ZNF43: variants seen among roughly 807,000 people sequenced by gnomAD.
ZNF43 encodes zinc finger protein 43, also known as zinc finger protein 39-like 1 (KOX 27).
In ZNF43, 44 loss-of-function variants were observed where a neutral mutation model predicts 68.4. The ratio of observed to expected loss-of-function variants is 0.64; its 90% CI spans 0.51 to 0.83. The LOEUF is 0.83. Among genes scored for constraint, ZNF43 ranks in the 40% least tolerant of loss-of-function variants. ZNF43 has a pLI of 0.00. For missense variants in ZNF43, 896 were observed against 933.2 expected (o/e 0.96, Z 0.52); for synonymous variants, 308 against 307.8 (o/e 1.00, Z -0.01).
In ZNF43 at chr19:21,807,554, T is replaced by G; in HGVS notation, c.*53A>C. 2 of 1,443,724 alleles carry G rather than the reference T, an allele frequency of 1.4e-6. No individual in the cohort carries two copies. Among genetic ancestry groups the G allele is most frequent in the Non-Finnish European group, 1.8e-6 (2 of 1,081,718 alleles). 89.4% of individuals were successfully genotyped at this position (1,443,724 alleles called of 1,614,324 possible). A position where few individuals can be genotyped will look rare whatever the true frequency, so the allele number is the denominator to read the frequency against. On this transcript the variant is annotated 3_prime_UTR_variant, in exon 4 of 4. Transcript: ENST00000354959. ...TACCTACAATCAAGTGTGACAACCA[T>G]GTAAAGCCTTTATCACATTCTTTAC...
At chr19:21,822,708 G>C (rs1471565223) in intron 1 of ZNF43, among the ~76,000 whole-genome samples, 1 of 149,466 alleles carries the variant, frequency 6.7e-6, no homozygotes, top group Non-Finnish European at 1.5e-5. Flanking sequence ...GGGAGGCTGA[G>C]GGGGGAGAAT....
At chr19:21,838,150 C>T (rs1330388245), upstream of ZNF43, 1 of 152,088 alleles carries the variant, frequency 6.6e-6, no homozygotes, top group African/African-American at 2.4e-5. Context: ...TCCTTGTTGG[C>T]TAATTGTAAA....
chr19:21,815,958 G>A (rs893330493), intron 3 of ZNF43, among the ~76,000 whole-genome samples: 1 of 152,012 alleles, frequency 6.6e-6, no homozygotes, highest in African/African-American at 2.4e-5. Context: ...GTACTTGGGA[G>A]GCTGAGGCAG....
In ZNF43 at chr19:21,809,719, G is replaced by C; in HGVS notation, c.318C>G (p.Asn106Lys). 2 of 1,612,356 alleles carry C rather than the reference G, an allele frequency of 1.2e-6. No individual in the cohort carries two copies. Among genetic ancestry groups the C allele is most frequent in the Non-Finnish European group, 1.7e-6 (2 of 1,179,560 alleles). Reference protein sequence around the residue: ...FQKATLRRYKNCEHKNVHLKK... With the variant: ...FQKATLRRYKKCEHKNVHLKK... The stretch of plus-strand genomic sequence containing the variant: ...TTAAATGTACATTTTTATGTTCACA[G>C]TTTTTATATCTTCTCAGTGTCGCTT... The change falls in exon 4 of 4, where the codon AAC becomes AAG. Residue 106 changes from asparagine (N) to lysine (K), a missense_variant. By Grantham distance (94) the Asn-to-Lys change is moderately conservative. Transcript: ENST00000354959.
intron 1 of ZNF43, among the ~76,000 whole-genome samples, chr19:21,834,460 A>C (rs914367889): frequency 6.6e-6 from 1 of 152,118 alleles, no homozygotes; most frequent in Non-Finnish European, 1.5e-5. Context: ...ATATTTTCAA[A>C]TAGAAAACAA....
chr19:21,812,523 T>TA (rs2037327957), intron 3 of ZNF43, among the ~76,000 whole-genome samples: 1 of 152,140 alleles, frequency 6.6e-6, no homozygotes, highest in South Asian at 2.1e-4. Flanking sequence ...AAGAAGCATT[T>TA]AAAAAGACAC....
At chr19:21,829,865 C>G (rs953351945) in intron 1 of ZNF43, among the ~76,000 whole-genome samples, 1 of 151,972 alleles carries the variant, frequency 6.6e-6, no homozygotes, top group Admixed American at 6.6e-5. Flanking sequence ...CATAAAAGAA[C>G]AAGAGAAGAA....
upstream of ZNF43, among the ~76,000 whole-genome samples, chr19:21,836,911 A>T (rs189006803): frequency 8.7e-4 from 133 of 152,344 alleles, no homozygotes; most frequent in African/African-American, 3.0e-3. Flanking sequence ...TTATCAAAAA[A>T]TTTTTTTAAA....
At chr19:21,825,363 G>C (rs1365842308) in intron 1 of ZNF43, among the ~76,000 whole-genome samples, 3 of 152,154 alleles carry the variant, frequency 2.0e-5, no homozygotes, top group African/African-American at 7.2e-5. Flanking sequence ...TGTCCAGTGT[G>C]ACATTATTAG....
chr19:21,839,519 T>C (rs1464326036), upstream of ZNF43: 1 of 152,036 alleles, frequency 6.6e-6, no homozygotes, highest in Non-Finnish European at 1.5e-5. Context: ...AGTCACATCA[T>C]CTAAGTAATG....
At chr19:21,834,771 TGGAA>T (rs113045492) in intron 1 of ZNF43, among the ~76,000 whole-genome samples, 5,390 of 138,242 alleles carry the variant, frequency 0.039, 171 homozygotes, top group South Asian at 0.17. Flanking sequence ...GATGGAAAGA[TGGAA>T]GGAAGGAAGG....
rs995944477 is a variant in ZNF43, at chr19:21,822,806, G to GA, written c.4-3586dup. Among the ~76,000 whole-genome samples the GA allele has an allele frequency of 6.3e-3, 910 of 143,500 alleles. 10 individuals are homozygous for GA. Among genetic ancestry groups the GA allele is most frequent in the African/African-American group, 0.019 (746 of 39,362 alleles). 94.1% of individuals were successfully genotyped at this position (143,500 alleles called of 152,430 possible). On this transcript the variant is annotated intron_variant, in intron 1 of 3. Coordinates refer to ENST00000354959, the MANE Select transcript of ZNF43 (RefSeq NM_003423.4). ...GGTGACAGAGCAAGACTCCGTCTCA[G>GA]AAAAAAAAAAAATAAAGAATTGTGT...
intron 1 of ZNF43, among the ~76,000 whole-genome samples, chr19:21,823,085 GTGA>G (rs369792765): frequency 5.3e-4 from 81 of 152,248 alleles, no homozygotes; most frequent in African/African-American, 1.8e-3. Flanking sequence ...ATTCCTTCAA[GTGA>G]TGATATCAGA....
chr19:21,808,456 T>C lies in ZNF43; in HGVS notation c.1581A>G (p.Glu527=). The part of the protein sequence containing the change: ...KAFKWSSKLT[E]HKITHTGEKP... ...TCTCTCCAGTATGAGTTATCTTATG[T>C]TCAGTAAGCTTTGAGGACCACTTAA... Residue 527 remains glutamate, a synonymous_variant, in exon 4 of 4, where the codon GAA becomes GAG. Transcript: ENST00000354959. 1.2e-6 allele frequency: 2 copies of C among 1,613,382 alleles called. No individual in the cohort carries two copies. The highest frequency in any genetic ancestry group is 1.7e-6 in the Non-Finnish European group (2 of 1,179,882).
intron 1 of ZNF43, among the ~76,000 whole-genome samples, chr19:21,827,661 C>CA (rs1179508446): frequency 3.5e-5 from 4 of 113,992 alleles, no homozygotes; most frequent in Admixed American, 2.5e-4. Context: ...TGCGCCTGGC[C>CA]ATTTTTTTTT....
chr19:21,851,818 G>C (rs1212729428), intron 1 of ZNF43: 2 of 1,416,236 alleles, frequency 1.4e-6, no homozygotes, highest in South Asian at 2.6e-5. Flanking sequence ...CAGCGACCAG[G>C]ACTCAGGAGC....
In ZNF43 at chr19:21,808,109, ATTATC is replaced by A. The variant is rs1354171505; in HGVS notation, c.1923_1927del (p.Lys641AsnfsTer4). ...TTTGTAGGGTTTCTCCTCAGTGTGA[ATTATC>A]TTATGTTTAGTAAGAGTTGAGAACT... On this transcript the variant is annotated frameshift_variant, in exon 4 of 4. Coordinates refer to ENST00000354959, the MANE Select transcript of ZNF43 (RefSeq NM_003423.4). LOFTEE classifies it high-confidence loss of function. 1 of 1,612,276 alleles carries A rather than the reference ATTATC, an allele frequency of 6.2e-7. No homozygotes were observed. Among genetic ancestry groups the A allele is most frequent in the East Asian group, 2.2e-5 (1 of 44,738 alleles).
At chr19:21,835,942 T>C in intron 1 of ZNF43, 94 bp downstream of exon 1, 2 of 1,600,832 alleles carry the variant, frequency 1.2e-6, no homozygotes, top group Non-Finnish European at 1.7e-6. Context: ...GGGCAAGAAC[T>C]CCGGCACGCG....
At chr19:21,851,762 C>A in intron 1 of ZNF43, 1 of 866,314 alleles carries the variant, frequency 1.2e-6, no homozygotes, top group South Asian at 1.9e-5. Flanking sequence ...CGGCTGCGGG[C>A]CCAGCCGCCA....
Sources: gnomAD v4.1 joint callset for allele counts (sites outside exome capture counted in the v4.1 genomes callset) on GRCh38, gnomAD v4.1.1 for gene constraint, MANE v1.5 for transcripts, NCBI Gene and HGNC (gene_info 2026-07-23, HGNC 2026-07-21) for gene names.